CYP19A1: variants seen among roughly 807,000 people sequenced by gnomAD.
CYP19A1 encodes cytochrome P450 family 19 subfamily A member 1, also known as aromatase.
CYP19A1 carries 32 observed loss-of-function variants against 44.4 expected under a neutral mutation model. The observed-to-expected ratio is 0.72, with a 90% CI of 0.54 to 0.97. The LOEUF (loss-of-function observed/expected upper bound fraction) is 0.97, where lower values mean the gene tolerates loss of function less well. Ranked by LOEUF, CYP19A1 falls within the 50% of genes least tolerant of loss-of-function variation. The pLI is 0.00. For synonymous variants in CYP19A1, 212 were observed against 215.6 expected (o/e 0.98, Z 0.14); for missense variants, 598 against 637.8 (o/e 0.94, Z 0.67).
At chr15:51,223,593 TCACACACACACA>T (rs5812545) in intron 4 of CYP19A1, among the ~76,000 whole-genome samples, 6 of 90,146 alleles carry the variant, frequency 6.7e-5, no homozygotes, top group Non-Finnish European at 1.1e-4. Context: ...TCTCTCTCTC[TCACACACACACA>T]CACACACACA....
chr15:51,246,840 G>A (rs1423758135), intron 1 of CYP19A1, among the ~76,000 whole-genome samples: 1 of 152,194 alleles, frequency 6.6e-6, no homozygotes, highest in African/African-American at 2.4e-5. Flanking sequence ...TGAGGGCTGG[G>A]TGCCAAGCTT....
chr15:51,218,273 T>C (rs2031759152), intron 6 of CYP19A1, among the ~76,000 whole-genome samples: 1 of 152,110 alleles, frequency 6.6e-6, no homozygotes, highest in Non-Finnish European at 1.5e-5. Flanking sequence ...TACACTAGTG[T>C]CCTAGTTACC....
chr15:51,285,362 G>T (rs2035661324), intron 1 of CYP19A1, among the ~76,000 whole-genome samples: 1 of 152,212 alleles, frequency 6.6e-6, no homozygotes, highest in African/African-American at 2.4e-5. Flanking sequence ...TCACCAACTG[G>T]CAATCAAAGG....
chr15:51,300,397 A>G (rs889456829), intron 1 of CYP19A1, among the ~76,000 whole-genome samples: 1 of 152,202 alleles, frequency 6.6e-6, no homozygotes, highest in Non-Finnish European at 1.5e-5. Flanking sequence ...TAAGACTCTC[A>G]AGAAATCACT....
chr15:51,315,703 G>A (rs1435409920), intron 1 of CYP19A1: 1 of 152,190 alleles, frequency 6.6e-6, no homozygotes, highest in Non-Finnish European at 1.5e-5. Context: ...TGCTTCCCTG[G>A]ATCTCCCTTC....
intron 4 of CYP19A1, among the ~76,000 whole-genome samples, chr15:51,224,666 A>G (rs2032421511): frequency 6.6e-6 from 1 of 152,188 alleles, no homozygotes; most frequent in Non-Finnish European, 1.5e-5. Flanking sequence ...CTTCCTTCCA[A>G]TTAGTCATTC....
intron 1 of CYP19A1, among the ~76,000 whole-genome samples, chr15:51,330,505 G>A (rs761821341): frequency 7.2e-5 from 11 of 152,154 alleles, no homozygotes; most frequent in Admixed American, 2.6e-4. Flanking sequence ...TTCTTCTGTC[G>A]TACATGGAGT....
chr15:51,274,920 C>T (rs1197853905), intron 1 of CYP19A1, among the ~76,000 whole-genome samples: 1 of 152,176 alleles, frequency 6.6e-6, no homozygotes, highest in African/African-American at 2.4e-5. Context: ...GGGGAGAAAG[C>T]TCTGCTTTCT....
At chr15:51,304,195 G>A (rs1047404291) in intron 1 of CYP19A1, among the ~76,000 whole-genome samples, 4 of 152,136 alleles carry the variant, frequency 2.6e-5, no homozygotes, top group African/African-American at 9.7e-5. Context: ...TTTCTGGGTT[G>A]GAAGGTATAC....
chr15:51,289,433 AC>A (rs1297982889), intron 1 of CYP19A1, among the ~76,000 whole-genome samples: 1 of 152,148 alleles, frequency 6.6e-6, no homozygotes, highest in Non-Finnish European at 1.5e-5. Flanking sequence ...TCCAGGCTTC[AC>A]ATTCCCAGAC....
intron 1 of CYP19A1, among the ~76,000 whole-genome samples, chr15:51,261,107 C>T (rs944846581): frequency 6.6e-6 from 1 of 152,206 alleles, no homozygotes; most frequent in Non-Finnish European, 1.5e-5. Flanking sequence ...CGCCATTGTT[C>T]CTGCATGGCT....
intron 6 of CYP19A1, 139 bp downstream of exon 6, chr15:51,218,402 C>T (rs761200368): frequency 1.5e-6 from 2 of 1,317,566 alleles, no homozygotes; most frequent in Non-Finnish European, 2.0e-6. Context: ...AGTGTTTCAT[C>T]AGCAACTTAA....
At chr15:51,319,677 G>A (rs957592531) in intron 1 of CYP19A1, among the ~76,000 whole-genome samples, 1 of 152,126 alleles carries the variant, frequency 6.6e-6, no homozygotes, top group Admixed American at 6.5e-5. Context: ...AAAACTTTGG[G>A]CTTATGCATC....
intron 1 of CYP19A1, among the ~76,000 whole-genome samples, chr15:51,274,913 G>A (rs941064477): frequency 1.3e-5 from 2 of 152,140 alleles, no homozygotes; most frequent in African/African-American, 4.8e-5. Flanking sequence ...CAACGCTGGG[G>A]AGAAAGCTCT....
chr15:51,265,677 A>G (rs1332652478), intron 1 of CYP19A1, among the ~76,000 whole-genome samples: 1 of 152,200 alleles, frequency 6.6e-6, no homozygotes, highest in Non-Finnish European at 1.5e-5. Flanking sequence ...AATTTTGGAT[A>G]TCTTAAAGTC....
chr15:51,212,650 G>A (rs1003868670), intron 8 of CYP19A1, 89 bp from the exon 9 acceptor site: 16 of 904,778 alleles, frequency 1.8e-5, no homozygotes, highest in African/African-American at 1.1e-4. Flanking sequence ...CCACAGAACC[G>A]TTTGCTCTTG....
chr15:51,230,617 C>CTTT (rs35011672), intron 3 of CYP19A1, among the ~76,000 whole-genome samples: 8 of 126,536 alleles, frequency 6.3e-5, no homozygotes, highest in East Asian at 2.3e-4. Context: ...TTGGTGCCTT[C>CTTT]TTTTTTTTTT....
At chr15:51,326,997 A>C (rs1344006207) in intron 1 of CYP19A1, among the ~76,000 whole-genome samples, 1 of 151,770 alleles carries the variant, frequency 6.6e-6, no homozygotes, top group Admixed American at 6.6e-5. Flanking sequence ...TTTTGAATCC[A>C]AACCCAGAAC....
At chr15:51,294,446 CGTCTG>C (rs1164189470) in intron 1 of CYP19A1, among the ~76,000 whole-genome samples, 13,952 of 147,856 alleles carry the variant, frequency 0.094, 1,003 homozygotes, top group African/African-American at 0.13. Flanking sequence ...GCAACCGCCC[CGTCTG>C]AGAAGTGAGG....
Sources: allele counts gnomAD v4.1 joint callset (sites outside exome capture counted in the v4.1 genomes callset), GRCh38; gene constraint gnomAD v4.1.1; transcripts MANE v1.5; gene names NCBI Gene and HGNC (gene_info 2026-07-23, HGNC 2026-07-21).